CLCN7: variants seen among roughly 807,000 people sequenced by gnomAD.
CLCN7 encodes the protein H(+)/Cl(-) exchange transporter 7.
A neutral mutation model predicts 102.1 loss-of-function variants in CLCN7; 60 were observed. The ratio of observed to expected loss-of-function variants is 0.59; its 90% CI spans 0.48 to 0.73. CLCN7 has a LOEUF of 0.73. CLCN7 is among the 30% of genes least tolerant of loss of function. The pLI is 0.00. For synonymous variants in CLCN7, 560 were observed against 490.5 expected (o/e 1.14, Z -1.87); for missense variants, 962 against 1,125.7 (o/e 0.85, Z 2.08).
rs1191603003 is a variant in CLCN7 at position 1,457,081 on chromosome 16, G to A, written c.822+173C>T. Among the ~76,000 whole-genome samples the A allele has an allele frequency of 6.6e-6, 1 of 152,190 alleles. No homozygotes were observed. Among genetic ancestry groups the A allele is most frequent in the Admixed American group, 6.5e-5 (1 of 15,284 alleles). The stretch of plus-strand genomic sequence containing the variant: ...GAGGGAAGCAGCGGGCCGTAGGGAG[G>A]CCTTGCCGGGCAGGGACTGTGCCCG... On this transcript the variant is annotated intron_variant, in intron 9 of 24. Transcript: ENST00000382745. The surrounding 1 kb of genome is among the most constrained non-coding windows in gnomAD (Gnocchi z 5.4).
At chr16:1,454,500 G>A (rs769163733) in intron 12 of CLCN7, 35 bp from the exon 13 acceptor site, 7 of 1,595,356 alleles carry the variant, frequency 4.4e-6, no homozygotes, top group Non-Finnish European at 6.0e-6. Context: ...GAGGATGTGA[G>A]GGAAAAGGCC....
chr16:1,464,540 G>A (rs530782054), intron 2 of CLCN7, among the ~76,000 whole-genome samples: 2 of 152,264 alleles, frequency 1.3e-5, no homozygotes, highest in East Asian at 1.9e-4. Context: ...TGAGCACGGC[G>A]CCGGCCTCGG....
intron 10 of CLCN7, 133 bp downstream of exon 10, chr16:1,455,980 C>G: frequency 1.0e-6 from 1 of 997,414 alleles, no homozygotes; most frequent in Admixed American, 2.1e-5. Context: ...CACTGCCGGC[C>G]GCTTCCAAAT....
At chr16:1,449,477 C>G (rs2038708550) in intron 17 of CLCN7, 150 bp from the exon 18 acceptor site, 1 of 701,434 alleles carries the variant, frequency 1.4e-6, no homozygotes, top group Non-Finnish European at 2.5e-6. Flanking sequence ...AACAACCTAG[C>G]ACAGTACACC....
intron 2 of CLCN7, among the ~76,000 whole-genome samples, chr16:1,464,511 G>A (rs1008727255): frequency 1.3e-5 from 2 of 152,256 alleles, no homozygotes; most frequent in African/African-American, 4.8e-5. Context: ...AGGCGCTGCT[G>A]GCTGTACAGG....
chr16:1,460,319 T>C (rs2038913055), intron 6 of CLCN7, 99 bp downstream of exon 6: 1 of 881,530 alleles, frequency 1.1e-6, no homozygotes, highest in Non-Finnish European at 1.9e-6. Context: ...TCAGCCAATG[T>C]GATGGTGGGG....
rs1476244860 is a variant in CLCN7 at position 1,450,520 on chromosome 16, G to A, written c.1594C>T (p.Leu532=). The change falls in exon 17 of 25, where the codon CTG becomes TTG. Residue 532 remains leucine (L), a synonymous_variant. Coordinates refer to ENST00000382745, the MANE Select transcript of CLCN7 (RefSeq NM_001287.6). ...AAWGRLFGIS[L]SYLTGAAIWA... is the part of the protein sequence containing the mutation. ...ACCGCCGCCCCCGTGAGGTAGGACAGGGAGATCCCAAAGAGCCGGCCCCAG... is the reference window on the plus strand; with the variant it reads ...ACCGCCGCCCCCGTGAGGTAGGACAAGGAGATCCCAAAGAGCCGGCCCCAG... 3 of 1,608,392 alleles carry A rather than the reference G, an allele frequency of 1.9e-6. No homozygotes were observed. The highest frequency in any genetic ancestry group is 2.7e-5 in the African/African-American group (2 of 74,882).
chr16:1,451,971 G>C (rs1348315802), intron 15 of CLCN7: 2 of 486,092 alleles, frequency 4.1e-6, no homozygotes, highest in East Asian at 3.9e-5. Context: ...TCTAGCCCTG[G>C]GGGGTGGGTT....
intron 15 of CLCN7, chr16:1,452,404 GC>G (rs2142374079): frequency 3.0e-6 from 1 of 338,324 alleles, no homozygotes; most frequent in Non-Finnish European, 5.6e-6. Flanking sequence ...AGCCGTGAGC[GC>G]CAGGCACAGG....
At chr16:1,456,050 A>G in intron 10 of CLCN7, 63 bp downstream of exon 10, 1 of 1,350,266 alleles carries the variant, frequency 7.4e-7, no homozygotes, top group Non-Finnish European at 1.0e-6. Context: ...TACAGAGAGG[A>G]GACCGTTCCT....
rs141499699 is a variant in CLCN7 at position 1,468,683 on chromosome 16, G to A, written c.142-3345C>T. On this transcript the variant is annotated intron_variant, in intron 1 of 24. Coordinates refer to ENST00000382745, the MANE Select transcript of CLCN7 (RefSeq NM_001287.6). ...GGCCGGACGGGAGGCGAGGTCATCAGGGTTGGGAGTGGGTGGGACTAGAAA... is the reference window on the plus strand; with the variant it reads ...GGCCGGACGGGAGGCGAGGTCATCAAGGTTGGGAGTGGGTGGGACTAGAAA... Among the ~76,000 whole-genome samples, 13 of 152,212 alleles carry A rather than the reference G, an allele frequency of 8.5e-5. No individual in the cohort carries two copies. In the East Asian group the frequency reaches 2.5e-3, roughly 29 times the overall value.
At chr16:1,453,793 C>T (rs2038791099) in intron 14 of CLCN7, 41 bp downstream of exon 14, 3 of 1,598,292 alleles carry the variant, frequency 1.9e-6, no homozygotes, top group East Asian at 4.5e-5. Flanking sequence ...GCCTGTGTGG[C>T]CACGCCTGCC....
Position 1,455,176 on chromosome 16 carries a change from C to T in CLCN7, c.1056G>A (p.Leu352=). Residue 352 remains leucine, a synonymous_variant, in exon 12 of 25, where the codon CTG becomes CTA. Coordinates refer to ENST00000382745, the MANE Select transcript of CLCN7 (RefSeq NM_001287.6). Reference sequence around the variant, plus strand: ...CGAAGTTGATGAGGCCTGGGCTGGACAGGTCCCACATGTTCCCGTGGTAAA... The same window carrying T: ...CGAAGTTGATGAGGCCTGGGCTGGATAGGTCCCACATGTTCCCGTGGTAAA... The part of the protein sequence containing the change: ...LSIYHGNMWD[L]SSPGLINFGR... The T allele has an allele frequency of 6.2e-7, 1 of 1,613,844 alleles. No homozygotes were observed. Among genetic ancestry groups the T allele is most frequent in the Non-Finnish European group, 8.5e-7 (1 of 1,179,800 alleles).
At chr16:1,447,596 C>T in intron 22 of CLCN7, 28 bp from the exon 23 acceptor site, 1 of 1,552,416 alleles carries the variant, frequency 6.4e-7, no homozygotes, top group Non-Finnish European at 8.7e-7. Flanking sequence ...CTGTGTCAGG[C>T]ACCCAGGCAG....
At position 1,456,215 on chromosome 16, in the gene CLCN7, G is replaced by C. The variant is rs375274292; in HGVS notation, c.823-9C>G. 19 of 1,559,494 alleles carry C rather than the reference G, an allele frequency of 1.2e-5. No individual in the cohort carries two copies. The highest frequency in any genetic ancestry group is 2.7e-5 in the African/African-American group (2 of 73,472). On this transcript the variant is annotated splice_polypyrimidine_tract_variant and intron_variant, in intron 9 of 24. Coordinates refer to ENST00000382745, the MANE Select transcript of CLCN7 (RefSeq NM_001287.6). ...CGGAAGTACTCGAAGATCTGCAACA[G>C]GGACAGACCAGGGTCGGGGCAGGTT...
In CLCN7 at chr16:1,457,528, GCGGCCC is replaced by G. The variant is rs1567270139; in HGVS notation, c.738+160_738+165del. On this transcript the variant is annotated intron_variant, in intron 8 of 24. Transcript: ENST00000382745. This position sits in a 1 kb window ranked among gnomAD's most constrained non-coding sequence, Gnocchi z 5.4. ...ACCGGTGCTCAGAGACACGCGTGAC[GCGGCCC>G]TTCCTGGAGACCAGAAGGACCGGTG... 11 of 651,426 alleles carry G rather than the reference GCGGCCC, an allele frequency of 1.7e-5. No homozygotes were observed. The highest frequency in any genetic ancestry group is 1.1e-4 in the African/African-American group (6 of 52,984). The allele number at this position is 651,426 out of a possible 1,614,324, so 40.4% of individuals were successfully genotyped here.
chr16:1,446,407 G>A lies in CLCN7; in HGVS notation c.*224C>T, dbSNP rs1250017620. On this transcript the variant is annotated 3_prime_UTR_variant, in exon 25 of 25. Transcript: ENST00000382745. Reference sequence around the variant, plus strand: ...AACCTAGACGAGGAGAGTGGAGGCTGGGCCTGCGCAAGGAGGCGCCAAGGG... The same window carrying A: ...AACCTAGACGAGGAGAGTGGAGGCTAGGCCTGCGCAAGGAGGCGCCAAGGG... 2.8e-6 allele frequency: 2 copies of A among 702,252 alleles called. No homozygotes were observed. The highest frequency in any genetic ancestry group is 5.2e-6 in the Non-Finnish European group (2 of 384,794). The allele number at this position is 702,252 out of a possible 1,614,324, so 43.5% of individuals were successfully genotyped here.
At position 1,447,483 on chromosome 16, in the gene CLCN7, G is replaced by C. The variant is rs1158843661; in HGVS notation, c.2159C>G (p.Pro720Arg). 1 of 1,553,208 alleles carries C rather than the reference G, an allele frequency of 6.4e-7. No individual in the cohort carries two copies. Among genetic ancestry groups the C allele is most frequent in the African/African-American group, 1.4e-5 (1 of 73,164 alleles). ...CTGGGACACGTGGATGGACTGGATG[G>C]GTGGGAAGCGCGGGTAGGCGTCTCG... ...DFRDAYPRFP[P>R]IQSIHVSQDE... Residue 720 changes from proline to arginine, a missense_variant, in exon 23 of 25, where the codon CCC (proline) becomes CGC (arginine). By Grantham distance (103) the Pro-to-Arg change is moderately radical. Around this residue, in one of 2 missense-constraint regions of CLCN7, gnomAD observed 799 missense variants for 988.0 expected, o/e 0.81. Coordinates refer to ENST00000382745, the MANE Select transcript of CLCN7 (RefSeq NM_001287.6).
At position 1,446,338 on chromosome 16, in the gene CLCN7, G is replaced by C; in HGVS notation, c.*293C>G. The C allele has an allele frequency of 1.4e-6, 1 of 702,028 alleles. No individual in the cohort carries two copies. The highest frequency in any genetic ancestry group is 2.7e-5 in the East Asian group (1 of 37,286). 43.5% of individuals were successfully genotyped at this position (702,028 alleles called of 1,614,324 possible). ...CTGGCTCCCAAGAGGCCGATAGCCC[G>C]GTAGGGAGGTCACACACACACAGCT... On this transcript the variant is annotated 3_prime_UTR_variant, in exon 25 of 25. Transcript: ENST00000382745.
Sources: gnomAD v4.1 joint callset for allele counts (sites outside exome capture counted in the v4.1 genomes callset) on GRCh38, gnomAD v4.1.1 for gene constraint, gnomAD v4.1.1 regional missense constraint, Gnocchi (gnomAD v3.1) non-coding constraint, MANE v1.5 for transcripts, NCBI Gene and HGNC (gene_info 2026-07-23, HGNC 2026-07-21) for gene names.